UBAP2L: variants seen among roughly 807,000 people sequenced by gnomAD.
UBAP2L encodes the protein ubiquitin associated protein 2 like.
UBAP2L carries 12 observed loss-of-function variants against 130.6 expected under a neutral mutation model. That is an observed-to-expected ratio of 0.09 (90% CI 0.06 to 0.15). The LOEUF is 0.15. Ranked by LOEUF, UBAP2L falls within the 10% of genes least tolerant of loss-of-function variation. UBAP2L has a pLI of 1.00. For synonymous variants in UBAP2L, 503 were observed against 524.7 expected, an observed-to-expected ratio of 0.96 and a Z score of 0.57; for missense variants, 965 against 1,332.5, an observed-to-expected ratio of 0.72 and a Z score of 4.29.
chr1:154,257,289 T>C, intron 19 of UBAP2L, 31 bp downstream of exon 19: 3 of 1,614,172 alleles, frequency 1.9e-6, no homozygotes, highest in Non-Finnish European at 2.5e-6. Context: ...GGCATTCCTC[T>C]GGGATGGAGG....
intron 2 of UBAP2L, 72 bp from the exon 3 acceptor site, chr1:154,227,210 G>C: frequency 7.3e-7 from 1 of 1,369,264 alleles, no homozygotes; most frequent in Admixed American, 1.7e-5. Context: ...AGTGGAGGCT[G>C]ACGAAATAGG....
chr1:154,269,755 G>A lies in UBAP2L; in HGVS notation c.3169-445G>A, dbSNP rs142914760. ...TGGTAGGGGTGGGGATCTGTGGGGCGATGCAAGTGGCCTCTTGAGAGCTCC... is the reference window on the plus strand; with the variant it reads ...TGGTAGGGGTGGGGATCTGTGGGGCAATGCAAGTGGCCTCTTGAGAGCTCC... On this transcript the variant is annotated intron_variant, in intron 26 of 26. Transcript: ENST00000428931. 4.9e-5 allele frequency: 12 copies of A among 246,752 alleles called. No individual in the cohort carries two copies. The East Asian group carries it at 9.2e-4, about 19-fold the overall frequency. The allele number at this position is 246,752 out of a possible 1,614,324, so 15.3% of individuals were successfully genotyped here. A position where few individuals can be genotyped will look rare whatever the true frequency, so the allele number is the denominator to read the frequency against.
chr1:154,255,720 A>G lies in UBAP2L; in HGVS notation c.2122A>G (p.Thr708Ala), dbSNP rs765139848. ...GCAGCAGAATACCCTTTCATCATCAACATCTTCTGGGCGCACTTCGACATC... is the reference window on the plus strand; with the variant it reads ...GCAGCAGAATACCCTTTCATCATCAGCATCTTCTGGGCGCACTTCGACATC... ...STQQNTLSSS[T>A]SSGRTSTSTL... The change falls in exon 18 of 27, where the codon ACA (threonine) becomes GCA (alanine). Residue 708 changes from threonine (T) to alanine (A), a missense_variant. By Grantham distance (58) the Thr-to-Ala change is moderately conservative. Around this residue, in one of 9 missense-constraint regions of UBAP2L, gnomAD observed 393 missense variants for 408.1 expected, o/e 0.96. Coordinates refer to ENST00000428931, the MANE Select transcript of UBAP2L (RefSeq NM_014847.4). 1.2e-5 allele frequency: 20 copies of G among 1,613,958 alleles called. No homozygotes were observed. The highest frequency in any genetic ancestry group is 8.8e-5 in the South Asian group (8 of 91,086).
At chr1:154,236,723 CT>C in intron 7 of UBAP2L, 112 bp downstream of exon 7, 2 of 1,127,756 alleles carry the variant, frequency 1.8e-6, no homozygotes, top group Non-Finnish European at 1.3e-6. Context: ...GATATGGGGA[CT>C]TAGGGCTCAT....
rs1572011391 is a variant in UBAP2L, at chr1:154,270,510, C to A, written c.*215C>A. ...GGATTTGTATTTTCTCCTTTTTTTT[C>A]CCCCTTCCATTCCTTCTCCCCTCTT... On this transcript the variant is annotated 3_prime_UTR_variant, in exon 27 of 27. Coordinates refer to ENST00000428931, the MANE Select transcript of UBAP2L (RefSeq NM_014847.4). 2 of 1,418,700 alleles carry A rather than the reference C, an allele frequency of 1.4e-6. No individual in the cohort carries two copies. The highest frequency in any genetic ancestry group is 2.7e-5 in the Admixed American group (1 of 36,366). The allele number at this position is 1,418,700 out of a possible 1,614,324, so 87.9% of individuals were successfully genotyped here.
chr1:154,269,190 C>T, intron 26 of UBAP2L: 1 of 818,076 alleles, frequency 1.2e-6, no homozygotes, highest in Non-Finnish European at 1.9e-6. Context: ...CTTTGGTGCC[C>T]TTCTCCTCCT....
intron 1 of UBAP2L, among the ~76,000 whole-genome samples, chr1:154,223,088 T>A (rs1666811871): frequency 6.6e-6 from 1 of 151,516 alleles, no homozygotes; most frequent in Non-Finnish European, 1.5e-5. Context: ...CACTTACTTT[T>A]GACCTGTTGC....
At chr1:154,220,543 G>A, upstream of UBAP2L, 1 of 861,898 alleles carries the variant, frequency 1.2e-6, no homozygotes, top group Non-Finnish European at 1.9e-6. Flanking sequence ...GACCAAGCCA[G>A]ACCCGGCCTG....
At chr1:154,247,972 T>TTA (rs1553271164) in intron 11 of UBAP2L, among the ~76,000 whole-genome samples, 3 of 150,140 alleles carry the variant, frequency 2.0e-5, no homozygotes, top group African/African-American at 7.3e-5. Flanking sequence ...TTATTTATTT[T>TTA]TTATTTTTTT....
intron 11 of UBAP2L, among the ~76,000 whole-genome samples, chr1:154,248,280 A>G (rs371330084): frequency 2.6e-5 from 4 of 152,150 alleles, no homozygotes; most frequent in South Asian, 2.1e-4. Context: ...TGATTACCCT[A>G]TAGAACTTGT....
intron 8 of UBAP2L, among the ~76,000 whole-genome samples, 168 bp from the exon 9 acceptor site, chr1:154,241,345 C>T (rs1365049031): frequency 6.6e-6 from 1 of 152,172 alleles, no homozygotes; most frequent in African/African-American, 2.4e-5. Context: ...ACCTCGGCCT[C>T]TCAAAGTATT....
chr1:154,225,894 A>C (rs1332475659), intron 2 of UBAP2L, among the ~76,000 whole-genome samples: 1 of 151,500 alleles, frequency 6.6e-6, no homozygotes, highest in African/African-American at 2.4e-5. Context: ...GCTCACTGCA[A>C]CCTCTGCCTT....
intron 24 of UBAP2L, among the ~76,000 whole-genome samples, chr1:154,264,619 G>C (rs1019041548): frequency 6.6e-6 from 1 of 152,196 alleles, no homozygotes; most frequent in African/African-American, 2.4e-5. Flanking sequence ...GAAAGAATGA[G>C]ATCAGGTAGG....
At chr1:154,221,065 C>T (rs993191688) in intron 1 of UBAP2L, 90 bp downstream of exon 1, 1 of 181,572 alleles carries the variant, frequency 5.5e-6, no homozygotes, top group Non-Finnish European at 1.2e-5. Context: ...CCCTTTAAAT[C>T]CGCGATCCCC....
intron 6 of UBAP2L, among the ~76,000 whole-genome samples, chr1:154,236,162 T>C (rs949225326): frequency 6.6e-6 from 1 of 152,176 alleles, no homozygotes; most frequent in Admixed American, 6.5e-5. Context: ...TCTGATAGTA[T>C]CAACCACTTT....
intron 24 of UBAP2L, among the ~76,000 whole-genome samples, chr1:154,263,976 C>G (rs1194599): frequency 3.3e-5 from 5 of 151,962 alleles, no homozygotes; most frequent in African/African-American, 1.2e-4. Flanking sequence ...GGCTCTGTGG[C>G]GACTGTGCTA....
chr1:154,232,352 A>G (rs1334438298), intron 4 of UBAP2L, among the ~76,000 whole-genome samples: 2 of 151,814 alleles, frequency 1.3e-5, no homozygotes, highest in Non-Finnish European at 2.9e-5. Context: ...GAAATCTGAT[A>G]GTGTTGGTGT....
intron 10 of UBAP2L, among the ~76,000 whole-genome samples, chr1:154,245,173 CTTTGGCCTCCCAAAGTGCCGAGT>C (rs1674996164): frequency 6.6e-6 from 1 of 152,148 alleles, no homozygotes. Context: ...TATCCGCCTG[CTTTGGCCTCCCAAAGTGCCGAGT>C]TACAGGTGTG....
At chr1:154,239,227 T>G (rs965663662) in intron 8 of UBAP2L, among the ~76,000 whole-genome samples, 2 of 152,106 alleles carry the variant, frequency 1.3e-5, no homozygotes, top group African/African-American at 2.4e-5. Flanking sequence ...TTTCACTGGT[T>G]GTTTTTTCTT....
Sources: gnomAD v4.1 joint callset for allele counts (sites outside exome capture counted in the v4.1 genomes callset) on GRCh38, gnomAD v4.1.1 for gene constraint, gnomAD v4.1.1 regional missense constraint, MANE v1.5 for transcripts, NCBI Gene and HGNC (gene_info 2026-07-23, HGNC 2026-07-21) for gene names.